The following OR4K1 variants were observed in gnomAD, a reference collection of about 807,000 sequenced individuals.
OR4K1 encodes the protein olfactory receptor 4K1.
OR4K1 carries 16 observed loss-of-function variants against 14.4 expected under a neutral mutation model. The ratio of observed to expected loss-of-function variants is 1.11; its 90% CI spans 0.75 to 1.68. The LOEUF (loss-of-function observed/expected upper bound fraction) is 1.68, where lower values mean the gene tolerates loss of function less well. Ranked by LOEUF, OR4K1 falls within the 40% of genes most tolerant of loss-of-function variation. The pLI is 0.00. For missense variants in OR4K1, 548 were observed against 376.9 expected (o/e 1.45, Z -3.76); for synonymous variants, 181 against 133.1 (o/e 1.36, Z -2.48).
the OR4K1 span, chr14:19,920,968 A>G: frequency 1.9e-6 from 3 of 1,614,120 alleles, no homozygotes; most frequent in Admixed American, 3.3e-5. Context: ...ATGGCCTATG[A>G]CAGGTATGTA....
chr14:19,934,740 G>C (rs960822974), intron 1 of OR4K1, among the ~76,000 whole-genome samples: 1 of 151,164 alleles, frequency 6.6e-6, no homozygotes, highest in Non-Finnish European at 1.5e-5. Context: ...GTGTGATCTC[G>C]GCTCACTGCA....
upstream of OR4K1, among the ~76,000 whole-genome samples, chr14:19,929,359 C>CTGTGTG (rs59130422): frequency 4.1e-3 from 596 of 144,292 alleles, no homozygotes; most frequent in Middle Eastern, 7.1e-3. Context: ...ATATCACACT[C>CTGTGTG]TGTGTGTGTG....
chr14:19,924,540 T>C, the OR4K1 span, among the ~76,000 whole-genome samples: 1 of 152,236 alleles, frequency 6.6e-6, no homozygotes, highest in Admixed American at 6.5e-5. Context: ...TGGTTTTGAT[T>C]TGCATTAGAT....
At chr14:19,927,007 T>G (rs1341062958), upstream of OR4K1, among the ~76,000 whole-genome samples, 1 of 152,254 alleles carries the variant, frequency 6.6e-6, no homozygotes, top group Non-Finnish European at 1.5e-5. Flanking sequence ...CATCATGAAC[T>G]GTTATCAGAT....
Position 19,936,513 on chromosome 14 carries a change from A to T in OR4K1, c.847A>T (p.Asn283Tyr). 1 of 1,613,802 alleles carries T rather than the reference A, an allele frequency of 6.2e-7. No individual in the cohort carries two copies. Among genetic ancestry groups the T allele is most frequent in the African/African-American group, 1.3e-5 (1 of 75,040 alleles). The change falls in exon 2 of 2, where the codon AAC becomes TAC. Residue 283 changes from asparagine (N) to tyrosine (Y), a missense_variant. By Grantham distance (143) the Asn-to-Tyr change is moderately radical. Transcript: ENST00000641172. ...CTACACTGTTTGTACTCCCTTGTTG[A>T]ACCCCATCATCTACTCTCTGAGGAA... ...VFYTVCTPLL[N>Y]PIIYSLRNED... is the part of the protein sequence containing the mutation.
upstream of OR4K1, among the ~76,000 whole-genome samples, chr14:19,929,404 T>C (rs28520226): frequency 0.036 from 4,421 of 121,280 alleles, 112 homozygotes; most frequent in African/African-American, 0.11. Flanking sequence ...TGTGTGTGTG[T>C]GCGTATGGGG....
At chr14:19,930,647 T>C (rs1377286645), upstream of OR4K1, among the ~76,000 whole-genome samples, 2 of 152,258 alleles carry the variant, frequency 1.3e-5, no homozygotes, top group African/African-American at 2.4e-5. Context: ...AATACCTGAA[T>C]ACTTCCTTTG....
At chr14:19,921,737 A>C in the OR4K1 span, 7 of 806,812 alleles carry the variant, frequency 8.7e-6, no homozygotes, top group Non-Finnish European at 1.3e-5. Flanking sequence ...GTGAAAGTTA[A>C]ATATAAAAAC....
the OR4K1 span, chr14:19,921,581 CA>C: frequency 6.2e-7 from 1 of 1,603,568 alleles, no homozygotes; most frequent in African/African-American, 1.3e-5. Flanking sequence ...TTCATTAAGA[CA>C]AAACTCCTTC....
upstream of OR4K1, among the ~76,000 whole-genome samples, chr14:19,930,114 T>C (rs776559413): frequency 6.0e-5 from 9 of 150,208 alleles, no homozygotes; most frequent in Non-Finnish European, 8.9e-5. Context: ...ATATTATATT[T>C]CCCCACTCTC....
chr14:19,930,824 C>A (rs531780717), upstream of OR4K1: 1 of 152,318 alleles, frequency 6.6e-6, no homozygotes, highest in South Asian at 2.1e-4. Context: ...AGGGTGTTTT[C>A]TTGCTTCACC....
chr14:19,924,857 T>C, the OR4K1 span, among the ~76,000 whole-genome samples: 1 of 152,248 alleles, frequency 6.6e-6, no homozygotes, highest in Non-Finnish European at 1.5e-5. Flanking sequence ...TAATTAATTC[T>C]TATTTAAGGG....
At chr14:19,920,768 C>T in the OR4K1 span, 1 of 1,614,122 alleles carries the variant, frequency 6.2e-7, no homozygotes, top group Non-Finnish European at 8.5e-7. Context: ...CTGATACCAG[C>T]CTGCACTCCC....
chr14:19,936,442 T>A lies in OR4K1; in HGVS notation c.776T>A (p.Ile259Lys). 6.2e-7 allele frequency: 1 copy of A among 1,614,154 alleles called. No individual in the cohort carries two copies. Residue 259 changes from isoleucine (I) to lysine (K), a missense_variant, in exon 2 of 2, where the codon ATA becomes AAA. Coordinates refer to ENST00000641172, the MANE Select transcript of OR4K1 (RefSeq NM_001004063.3). ...LFFGPCIYFY[I>K]WPFSRLPVDK... Reference sequence around the variant, plus strand: ...TTCGGGCCTTGCATTTATTTCTATATATGGCCTTTTAGCAGACTTCCTGTG... The same window carrying A: ...TTCGGGCCTTGCATTTATTTCTATAAATGGCCTTTTAGCAGACTTCCTGTG...
At chr14:19,923,387 C>A in the OR4K1 span, among the ~76,000 whole-genome samples, 36 of 152,152 alleles carry the variant, frequency 2.4e-4, no homozygotes, top group African/African-American at 8.0e-4. Context: ...GTTAGTTTAT[C>A]CCCTTTATGT....
the OR4K1 span, among the ~76,000 whole-genome samples, chr14:19,922,111 C>CTATTTG: frequency 6.6e-6 from 1 of 151,192 alleles, no homozygotes; most frequent in East Asian, 1.9e-4. Flanking sequence ...ATACGGTTTT[C>CTATTTG]AAATAGCTAA....
At chr14:19,923,055 C>T in the OR4K1 span, among the ~76,000 whole-genome samples, 1 of 152,218 alleles carries the variant, frequency 6.6e-6, no homozygotes, top group Non-Finnish European at 1.5e-5. Flanking sequence ...GCTTTTTATA[C>T]TTAAGAATTT....
chr14:19,933,932 C>T (rs537921814), intron 1 of OR4K1, among the ~76,000 whole-genome samples: 77 of 152,206 alleles, frequency 5.1e-4, no homozygotes, highest in Non-Finnish European at 8.5e-4. Flanking sequence ...AATGCAAACA[C>T]GGAAAGCCCT....
rs1266608425 is a variant in OR4K1 at position 19,936,295 on chromosome 14, G to A, written c.629G>A (p.Cys210Tyr). 1.9e-6 allele frequency: 3 copies of A among 1,614,232 alleles called. No individual in the cohort carries two copies. In the Admixed American group the frequency reaches 5.0e-5, roughly 27 times the overall value. Reference sequence around the variant, plus strand: ...AACAGTGGCCTGATATCATTGAGCTGTTTCCTGGCTTTAATTATTTCCTAC... The same window carrying A: ...AACAGTGGCCTGATATCATTGAGCTATTTCCTGGCTTTAATTATTTCCTAC... ...LTNSGLISLS[C>Y]FLALIISYTI... The change falls in exon 2 of 2, where the codon TGT (cysteine) becomes TAT (tyrosine). Residue 210 changes from cysteine (C) to tyrosine (Y), a missense_variant. Cys to Tyr is a radical substitution (Grantham distance 194, BLOSUM62 -2). Transcript: ENST00000641172.
Sources: allele counts gnomAD v4.1 joint callset (sites outside exome capture counted in the v4.1 genomes callset), GRCh38; gene constraint gnomAD v4.1.1; transcripts MANE v1.5; gene names NCBI Gene and HGNC (gene_info 2026-07-23, HGNC 2026-07-21).